FBXL19: variants seen among roughly 807,000 people sequenced by gnomAD.
FBXL19 encodes the protein F-box/LRR-repeat protein 19.
FBXL19 carries 16 observed loss-of-function variants against 71.2 expected under a neutral mutation model. The ratio of observed to expected loss-of-function variants is 0.22; its 90% CI spans 0.15 to 0.34. The LOEUF is 0.34. Ranked by LOEUF, FBXL19 falls within the 10% of genes least tolerant of loss-of-function variation. FBXL19 has a pLI of 1.00. For synonymous variants in FBXL19, 447 were observed against 409.4 expected (o/e 1.09, Z -1.11); for missense variants, 658 against 968.2 (o/e 0.68, Z 4.25).
rs1351625933 is a variant in FBXL19, at chr16:30,946,693, G to C, written c.1628-37G>C. On this transcript the variant is annotated intron_variant, in intron 9 of 10. Coordinates refer to ENST00000338343, the MANE Select transcript of FBXL19 (RefSeq NM_001382779.1). This position sits in a 1 kb window ranked among gnomAD's most constrained non-coding sequence, Gnocchi z 6.7. ...TGGATACCTGGGCGCAGGGATGGGA[G>C]TGGCCAGGAGTGCTGACCTCTCATC... is the stretch of plus-strand genomic sequence containing the variant. 2 of 1,579,908 alleles carry C rather than the reference G, an allele frequency of 1.3e-6. No individual in the cohort carries two copies. The highest frequency in any genetic ancestry group is 1.7e-6 in the Non-Finnish European group (2 of 1,161,944).
rs1350461259 is a variant in FBXL19, at chr16:30,927,926, G to A, written c.590G>A (p.Arg197Lys). 1.9e-6 allele frequency: 3 copies of A among 1,542,300 alleles called. No homozygotes were observed. The highest frequency in any genetic ancestry group is 1.7e-6 in the Non-Finnish European group (2 of 1,152,258). ...CCTGGGCCCCCCAAACGAAAGGAAA[G>A]GGAGGCAGGGAATGAGCCTCCCACC... Reference protein sequence around the residue: ...DVPGPPKRKEREAGNEPPTPR... With the variant: ...DVPGPPKRKEKEAGNEPPTPR... Residue 197 changes from arginine to lysine, a missense_variant, in exon 5 of 11, where the codon AGG (arginine) becomes AAG (lysine). Physicochemically the swap from Arg to Lys is conservative, Grantham distance 26. This residue lies in a region of FBXL19 where 447 missense variants were observed against 515.4 expected (regional missense o/e 0.87). Coordinates refer to ENST00000338343, the MANE Select transcript of FBXL19 (RefSeq NM_001382779.1).
intron 9 of FBXL19, among the ~76,000 whole-genome samples, chr16:30,943,367 A>ATTTTTTT (rs34002102): frequency 3.0e-5 from 2 of 67,584 alleles, no homozygotes; most frequent in Non-Finnish European, 2.8e-5. Flanking sequence ...TTTTTTTGTA[A>ATTTTTTT]TTTTTTTTTT....
chr16:30,942,679 T>C lies in FBXL19; in HGVS notation c.1627+143T>C, dbSNP rs2055815856. 4 of 1,391,140 alleles carry C rather than the reference T, an allele frequency of 2.9e-6. No homozygotes were observed. The highest frequency in any genetic ancestry group is 3.8e-6 in the Non-Finnish European group (4 of 1,064,170). The allele number at this position is 1,391,140 out of a possible 1,614,324, so 86.2% of individuals were successfully genotyped here. A position where few individuals can be genotyped will look rare whatever the true frequency, so the allele number is the denominator to read the frequency against. ...ATGAGTTTGAATAGGAAGGCCCTGG[T>C]TGGGCATTATTCATTCATTCACCCA... is the stretch of plus-strand genomic sequence containing the variant. On this transcript the variant is annotated intron_variant, in intron 9 of 10. Transcript: ENST00000338343. The surrounding 1 kb of genome is among the most constrained non-coding windows in gnomAD (Gnocchi z 5.7).
rs764049236 is a variant in FBXL19, at chr16:30,927,890, C to A, written c.554C>A (p.Pro185Gln). Residue 185 changes from proline to glutamine, a missense_variant, in exon 5 of 11, where the codon CCG becomes CAG. Around this residue, in one of 8 missense-constraint regions of FBXL19, gnomAD observed 447 missense variants for 515.4 expected, o/e 0.87. Transcript: ENST00000338343. The part of the protein sequence containing the change: ...RKGPLPAGPP[P>Q]EDVPGPPKRK... ...GGCCCCCTGCCTGCCGGGCCCCCCC[C>A]GGAGGACGTGCCTGGGCCCCCCAAA... The A allele has an allele frequency of 2.0e-6, 3 of 1,534,296 alleles. No homozygotes were observed. Among genetic ancestry groups the A allele is most frequent in the South Asian group, 2.5e-5 (2 of 81,198 alleles).
intron 7 of FBXL19, among the ~76,000 whole-genome samples, chr16:30,937,387 C>A (rs1038212871): frequency 2.0e-5 from 3 of 152,060 alleles, no homozygotes; most frequent in Non-Finnish European, 4.4e-5. Flanking sequence ...GAGGCTCCCC[C>A]ACCCAGTCCT....
chr16:30,923,276 C>G (rs753225312), upstream of FBXL19: 9 of 445,688 alleles, frequency 2.0e-5, no homozygotes, highest in Non-Finnish European at 4.6e-6. Flanking sequence ...TGTTCTGCAA[C>G]TGGGAGCCTC....
intron 7 of FBXL19, among the ~76,000 whole-genome samples, chr16:30,932,839 CTTTTTTTTT>C (rs1188274971): frequency 7.7e-6 from 1 of 130,480 alleles, no homozygotes; most frequent in Admixed American, 7.7e-5. Flanking sequence ...GCAATGATAA[CTTTTTTTTT>C]TTTTTTTTTT....
Position 30,930,111 on chromosome 16 carries a change from G to T in FBXL19, c.828G>T (p.Ala276=). 1 of 1,613,496 alleles carries T rather than the reference G, an allele frequency of 6.2e-7. No individual in the cohort carries two copies. The highest frequency in any genetic ancestry group is 1.1e-5 in the South Asian group (1 of 91,072). The change falls in exon 7 of 11, where the codon GCG becomes GCT. Residue 276 remains alanine (A), a synonymous_variant. Coordinates refer to ENST00000338343, the MANE Select transcript of FBXL19 (RefSeq NM_001382779.1). This position sits in a 1 kb window ranked among gnomAD's most constrained non-coding sequence, Gnocchi z 8.5. Reference sequence around the variant, plus strand: ...CTTTGGCCTCTGCAGAGGGCCCAGCGGTGCCGTCCCCGTCCCCGCAGAGGG... The same window carrying T: ...CTTTGGCCTCTGCAGAGGGCCCAGCTGTGCCGTCCCCGTCCCCGCAGAGGG... ...KPPLASAEGP[A]VPSPSPQREK...
chr16:30,946,049 G>C lies in FBXL19; in HGVS notation c.1628-681G>C, dbSNP rs1199178438. Among the ~76,000 whole-genome samples, 1 of 152,074 alleles carries C rather than the reference G, an allele frequency of 6.6e-6. No individual in the cohort carries two copies. The highest frequency in any genetic ancestry group is 1.5e-5 in the Non-Finnish European group (1 of 68,024). On this transcript the variant is annotated intron_variant, in intron 9 of 10. Coordinates refer to ENST00000338343, the MANE Select transcript of FBXL19 (RefSeq NM_001382779.1). The surrounding 1 kb of genome is among the most constrained non-coding windows in gnomAD (Gnocchi z 6.7). ...AAGAAAAGAGGTTGAATTGGCTCAG[G>C]ATTCTGCAAGCTGTACAGGAAGTAT...
rs781059280 is a variant in FBXL19 at position 30,927,648 on chromosome 16, C to T, written c.397C>T (p.Arg133Cys). The change falls in exon 4 of 11, where the codon CGC becomes TGC. Residue 133 changes from arginine (R) to cysteine (C), a missense_variant. Arg to Cys is a radical substitution (Grantham distance 180). This residue lies in a region of FBXL19 where 447 missense variants were observed against 515.4 expected (regional missense o/e 0.87). Coordinates refer to ENST00000338343, the MANE Select transcript of FBXL19 (RefSeq NM_001382779.1). The stretch of plus-strand genomic sequence containing the variant: ...GTGCCCTCGCTGCACCCAGGAAGGC[C>T]GCACCAGCAAGGTAGGGGCTGGGCT... ...WECPRCTQEGRTSKDSGEGPG... is the reference protein window; with the variant it reads ...WECPRCTQEGCTSKDSGEGPG... 5 of 1,565,972 alleles carry T rather than the reference C, an allele frequency of 3.2e-6. No homozygotes were observed. Among genetic ancestry groups the T allele is most frequent in the East Asian group, 4.8e-5 (2 of 41,938 alleles).
In FBXL19 at chr16:30,927,392, G is replaced by T; in HGVS notation, c.262G>T (p.Gly88Cys). The change falls in exon 3 of 11, where the codon GGT (glycine) becomes TGT (cysteine). Residue 88 changes from glycine to cysteine, a missense_variant. Coordinates refer to ENST00000338343, the MANE Select transcript of FBXL19 (RefSeq NM_001382779.1). ...GGTGGAGGGAGAGGAAGAGAAATTT[G>T]GTTTGAGCCTCATGGAGTGTACAAT... is the stretch of plus-strand genomic sequence containing the variant. ...DTVEGEEEKF[G>C]LSLMECTICN... 6.3e-7 allele frequency: 1 copy of T among 1,593,480 alleles called. No individual in the cohort carries two copies. The highest frequency in any genetic ancestry group is 1.1e-5 in the South Asian group (1 of 87,652).
intron 7 of FBXL19, among the ~76,000 whole-genome samples, chr16:30,936,613 T>C (rs935308078): frequency 4.1e-5 from 6 of 147,434 alleles, no homozygotes; most frequent in Non-Finnish European, 7.5e-5. Flanking sequence ...TTTTTTTTTT[T>C]TTTTTTTGTT....
chr16:30,936,601 CTTT>C (rs547272418), intron 7 of FBXL19, among the ~76,000 whole-genome samples: 1 of 118,170 alleles, frequency 8.5e-6, no homozygotes. Flanking sequence ...AATTTTTTTT[CTTT>C]TTTTTTTTTT....
At chr16:30,929,378 C>T (rs1385294241) in intron 6 of FBXL19, among the ~76,000 whole-genome samples, 1 of 152,128 alleles carries the variant, frequency 6.6e-6, no homozygotes, top group Non-Finnish European at 1.5e-5. Flanking sequence ...CTGTTACCCT[C>T]AGTTGATAGA....
rs1253517572 is a variant in FBXL19, at chr16:30,947,638, C to G, written c.*408C>G. On this transcript the variant is annotated 3_prime_UTR_variant, in exon 11 of 11. Coordinates refer to ENST00000338343, the MANE Select transcript of FBXL19 (RefSeq NM_001382779.1). ...GGGGGGCGGGGCAGACAGCAGACCA[C>G]CAAGGGTTCAGGGAACAAAGACCAG... The G allele has an allele frequency of 3.2e-6, 1 of 310,640 alleles. No homozygotes were observed. The highest frequency in any genetic ancestry group is 1.0e-4 in the East Asian group (1 of 9,770). 19.2% of individuals were successfully genotyped at this position (310,640 alleles called of 1,614,324 possible). A position where few individuals can be genotyped will look rare whatever the true frequency, so the allele number is the denominator to read the frequency against.
At chr16:30,945,752 A>G (rs1325736953) in intron 9 of FBXL19, among the ~76,000 whole-genome samples, 1 of 150,968 alleles carries the variant, frequency 6.6e-6, no homozygotes, top group Non-Finnish European at 1.5e-5. Context: ...TGGGAGGATC[A>G]AGGCTACAGT....
rs867010606 is a variant in FBXL19, at chr16:30,930,020, G to A, written c.790-53G>A. ...CCTGGTGACTCCTCGGGGTAGGGGG[G>A]TGGGAAAATGTATCCCAGGCCCTAG... On this transcript the variant is annotated intron_variant, in intron 6 of 10. Transcript: ENST00000338343. The surrounding 1 kb of genome is among the most constrained non-coding windows in gnomAD (Gnocchi z 8.5). 18 of 1,565,030 alleles carry A rather than the reference G, an allele frequency of 1.2e-5. No individual in the cohort carries two copies. Among genetic ancestry groups the A allele is most frequent in the Middle Eastern group, 1.7e-4 (1 of 5,846 alleles).
intron 6 of FBXL19, among the ~76,000 whole-genome samples, chr16:30,929,234 G>C (rs985411070): frequency 4.6e-5 from 7 of 152,138 alleles, no homozygotes; most frequent in Admixed American, 3.9e-4. Flanking sequence ...TTGTAACCTT[G>C]GACAAGTCAC....
At chr16:30,934,597 G>T (rs888813188) in intron 7 of FBXL19, among the ~76,000 whole-genome samples, 1 of 152,068 alleles carries the variant, frequency 6.6e-6, no homozygotes, top group African/African-American at 2.4e-5. Context: ...GGCGGAGGTT[G>T]CAGTGAGCCA....
Sources: allele counts gnomAD v4.1 joint callset (sites outside exome capture counted in the v4.1 genomes callset), GRCh38; gene constraint gnomAD v4.1.1; regional missense constraint gnomAD v4.1.1; non-coding constraint Gnocchi (gnomAD v3.1); transcripts MANE v1.5; gene names NCBI Gene and HGNC (gene_info 2026-07-23, HGNC 2026-07-21).